PCDH15: variants seen among roughly 807,000 people sequenced by gnomAD.
PCDH15 encodes the protein protocadherin-15.
In PCDH15, 129 loss-of-function variants were observed where a neutral mutation model predicts 178.5. The observed-to-expected ratio is 0.72, with a 90% CI of 0.63 to 0.84. The LOEUF (loss-of-function observed/expected upper bound fraction) is 0.84, where lower values mean the gene tolerates loss of function less well. Ranked by LOEUF, PCDH15 falls within the 40% of genes least tolerant of loss-of-function variation. The probability of loss-of-function intolerance (pLI) is 0.00; values close to 1 mark genes in which losing one functional copy is unlikely to be tolerated. For synonymous variants in PCDH15, 800 were observed against 732.0 expected (o/e 1.09, Z -1.50); for missense variants, 2,230 against 2,099.9 (o/e 1.06, Z -1.21).
At chr10:54,788,875 A>G (rs1328463240) in intron 1 of PCDH15, among the ~76,000 whole-genome samples, 10 of 151,794 alleles carry the variant, frequency 6.6e-5, no homozygotes, top group African/African-American at 2.4e-4. Context: ...AATTCACTCA[A>G]TGGGTCATCG....
At chr10:54,057,321 A>G (rs974933002) in intron 18 of PCDH15, among the ~76,000 whole-genome samples, 1 of 152,196 alleles carries the variant, frequency 6.6e-6, no homozygotes, top group East Asian at 1.9e-4. Context: ...CTGCCCCTGC[A>G]GCATAACTCT....
intron 18 of PCDH15, among the ~76,000 whole-genome samples, chr10:54,043,643 C>A (rs527810525): frequency 6.6e-6 from 1 of 152,042 alleles, no homozygotes; most frequent in Non-Finnish European, 1.5e-5. Flanking sequence ...CCTGCCTCAG[C>A]CTCCCAAAGT....
chr10:54,104,760 C>A (rs1307849951), intron 15 of PCDH15, among the ~76,000 whole-genome samples: 1 of 148,380 alleles, frequency 6.7e-6, no homozygotes, highest in Non-Finnish European at 1.5e-5. Flanking sequence ...CGGCATGAAC[C>A]CAGGAGGTGG....
chr10:55,056,631 ATT>A (rs1841311597), intron 2 of PCDH15, among the ~76,000 whole-genome samples: 1 of 147,430 alleles, frequency 6.8e-6, no homozygotes, highest in Non-Finnish European at 1.5e-5. Context: ...TATTATTATT[ATT>A]ATTATTATTA....
chr10:55,424,828 T>C (rs946440146), intron 2 of PCDH15, among the ~76,000 whole-genome samples: 2 of 152,114 alleles, frequency 1.3e-5, no homozygotes. Context: ...CTGCTTGTAT[T>C]CCAATTACGT....
At chr10:55,280,976 T>C (rs983952630) in intron 1 of PCDH15, among the ~76,000 whole-genome samples, 1 of 152,210 alleles carries the variant, frequency 6.6e-6, no homozygotes, top group Non-Finnish European at 1.5e-5. Context: ...AGTTAACTTA[T>C]CCATAATAGG....
At chr10:55,394,327 TTTTA>T (rs1479547763) in intron 2 of PCDH15, among the ~76,000 whole-genome samples, 8 of 152,022 alleles carry the variant, frequency 5.3e-5, no homozygotes, top group Non-Finnish European at 8.8e-5. Flanking sequence ...CTCTTTTTTA[TTTTA>T]TTTATTTATT....
intron 2 of PCDH15, among the ~76,000 whole-genome samples, chr10:54,916,307 G>A (rs1315062227): frequency 6.6e-6 from 1 of 152,148 alleles, no homozygotes; most frequent in Non-Finnish European, 1.5e-5. Context: ...GTCTCCCCAA[G>A]GTGCATATAT....
chr10:54,650,401 A>T (rs2094230570), intron 2 of PCDH15, among the ~76,000 whole-genome samples: 1 of 152,128 alleles, frequency 6.6e-6, no homozygotes, highest in Non-Finnish European at 1.5e-5. Flanking sequence ...AATTATTGTT[A>T]TAATCACAAG....
chr10:53,909,767 AC>A (rs1351139866), intron 25 of PCDH15, among the ~76,000 whole-genome samples: 9 of 152,174 alleles, frequency 5.9e-5, no homozygotes, highest in Admixed American at 3.3e-4. Context: ...GGAAGTCATG[AC>A]AGATTGTATC....
chr10:54,402,508 G>A (rs1952059888), intron 3 of PCDH15, among the ~76,000 whole-genome samples: 2 of 151,752 alleles, frequency 1.3e-5, no homozygotes, highest in South Asian at 4.2e-4. Flanking sequence ...CATAAATACG[G>A]CATTTTTTTA....
At chr10:53,974,310 C>A (rs1237034775) in intron 21 of PCDH15, among the ~76,000 whole-genome samples, 1 of 152,154 alleles carries the variant, frequency 6.6e-6, no homozygotes, top group African/African-American at 2.4e-5. Context: ...CCACCACATC[C>A]AGCCAGAAAT....
At chr10:55,057,290 A>T (rs1219808656) in intron 2 of PCDH15, among the ~76,000 whole-genome samples, 3 of 151,836 alleles carry the variant, frequency 2.0e-5, no homozygotes, top group African/African-American at 7.3e-5. Flanking sequence ...GTATTTTGGT[A>T]TTCCATGCAA....
chr10:54,781,819 A>T (rs1950390027), intron 1 of PCDH15, among the ~76,000 whole-genome samples: 1 of 152,170 alleles, frequency 6.6e-6, no homozygotes, highest in Non-Finnish European at 1.5e-5. Context: ...GCTTTGAAAG[A>T]ATATTACCAA....
rs144865782 is a variant in PCDH15 at position 55,297,621 on chromosome 10, A to G, written c.-156+21978T>C. Among the ~76,000 whole-genome samples, 178 of 152,220 alleles carry G rather than the reference A, an allele frequency of 1.2e-3. 1 individual carries two copies. The highest frequency in any genetic ancestry group is 3.5e-3 in the African/African-American group (145 of 41,540). On this transcript the variant is annotated intron_variant, in intron 1 of 5. Coordinates refer to the PCDH15 transcript ENST00000458638. ...TTCATTCTCTCAAGACTCAATTTAT[A>G]TGACTTTAAATGATTAAAAAATTTA...
At chr10:55,202,893 T>C (rs989911939) in intron 1 of PCDH15, among the ~76,000 whole-genome samples, 5 of 152,156 alleles carry the variant, frequency 3.3e-5, no homozygotes, top group African/African-American at 1.2e-4. Flanking sequence ...ATTGTGTGAG[T>C]TTCCTAAGGC....
intron 3 of PCDH15, among the ~76,000 whole-genome samples, chr10:54,410,668 G>A (rs1298952762): frequency 6.6e-6 from 1 of 152,058 alleles, no homozygotes; most frequent in Non-Finnish European, 1.5e-5. Flanking sequence ...AACTCACAAT[G>A]TACACATTTT....
intron 5 of PCDH15, among the ~76,000 whole-genome samples, chr10:54,364,164 A>T (rs917108682): frequency 6.6e-6 from 1 of 151,798 alleles, no homozygotes; most frequent in African/African-American, 2.4e-5. Flanking sequence ...CTGAGCCAAG[A>T]TCGTGCCATT....
Position 54,288,455 on chromosome 10 carries a change from C to T in PCDH15, c.876+28816G>A, listed in dbSNP as rs374420811. On this transcript the variant is annotated intron_variant, in intron 8 of 37. Transcript: ENST00000644397. ...GGTCTGCAGCTCCCAGTGTGACTGA[C>T]GCAGAAGATGGGTGATTTCTGCATT... Among the ~76,000 whole-genome samples, 227 of 152,268 alleles carry T rather than the reference C, an allele frequency of 1.5e-3. 1 individual carries two copies. The highest frequency in any genetic ancestry group is 4.7e-3 in the African/African-American group (195 of 41,544).
Sources: gnomAD v4.1 joint callset for allele counts (sites outside exome capture counted in the v4.1 genomes callset) on GRCh38, gnomAD v4.1.1 for gene constraint, MANE v1.5 for transcripts, NCBI Gene and HGNC (gene_info 2026-07-23, HGNC 2026-07-21) for gene names.